The following NRG1 variants were observed in gnomAD, a reference collection of about 807,000 sequenced individuals.
NRG1 encodes the protein pro-neuregulin-1, membrane-bound isoform.
NRG1 carries 18 observed loss-of-function variants against 63.8 expected under a neutral mutation model. That is an observed-to-expected ratio of 0.28 (90% confidence interval 0.19 to 0.42). The LOEUF is 0.42. NRG1 is among the 10% of genes least tolerant of loss of function. The probability of loss-of-function intolerance (pLI) is 1.00; values close to 1 mark genes in which losing one functional copy is unlikely to be tolerated. For synonymous variants in NRG1, 302 were observed against 301.3 expected (o/e 1.00, Z -0.02); for missense variants, 762 against 814.7 (o/e 0.94, Z 0.79).
intron 1 of NRG1, among the ~76,000 whole-genome samples, chr8:31,911,587 G>A (rs574466299): frequency 5.4e-4 from 83 of 152,308 alleles, no homozygotes; most frequent in African/African-American, 1.8e-3. Context: ...CTTACCAGAT[G>A]GAGGAGGGAG....
At chr8:32,084,007 C>T (rs1015855343) in intron 1 of NRG1, among the ~76,000 whole-genome samples, 14 of 152,108 alleles carry the variant, frequency 9.2e-5, no homozygotes, top group Admixed American at 7.9e-4. Context: ...ATTACCTTTT[C>T]TTACATCCCT....
intron 1 of NRG1, among the ~76,000 whole-genome samples, chr8:32,227,913 G>A (rs1381874216): frequency 6.6e-6 from 1 of 152,178 alleles, no homozygotes; most frequent in African/African-American, 2.4e-5. Context: ...TACGAGGTTT[G>A]TATCAATTAG....
chr8:32,140,557 G>A (rs1337041142), intron 1 of NRG1, among the ~76,000 whole-genome samples: 1 of 151,770 alleles, frequency 6.6e-6, no homozygotes, highest in Non-Finnish European at 1.5e-5. Flanking sequence ...CAAGCTCCTG[G>A]GTCAAGTGAT....
At chr8:32,051,294 C>G (rs1821939277) in intron 1 of NRG1, among the ~76,000 whole-genome samples, 1 of 152,122 alleles carries the variant, frequency 6.6e-6, no homozygotes, top group Admixed American at 6.5e-5. Context: ...AGTGCATGCA[C>G]TTGGAATCCA....
At chr8:32,620,532 A>G (rs1563784450) in intron 5 of NRG1, among the ~76,000 whole-genome samples, 1 of 151,866 alleles carries the variant, frequency 6.6e-6, no homozygotes, top group Non-Finnish European at 1.5e-5. Context: ...AAAAAAAAAA[A>G]AAAAAAAAGA....
At chr8:31,998,942 A>C (rs1812471919) in intron 1 of NRG1, among the ~76,000 whole-genome samples, 1 of 152,100 alleles carries the variant, frequency 6.6e-6, no homozygotes, top group Non-Finnish European at 1.5e-5. Context: ...GCAGATGAGA[A>C]TTTCAGATTC....
chr8:31,914,081 T>A (rs1357491089), intron 1 of NRG1, among the ~76,000 whole-genome samples: 5 of 152,160 alleles, frequency 3.3e-5, no homozygotes, highest in Non-Finnish European at 5.9e-5. Flanking sequence ...CAAGACCTCT[T>A]GCCCCCTGGA....
intron 1 of NRG1, among the ~76,000 whole-genome samples, chr8:31,761,465 A>G (rs1171834391): frequency 2.0e-5 from 3 of 152,154 alleles, no homozygotes; most frequent in Non-Finnish European, 4.4e-5. Flanking sequence ...TAAAAAATAA[A>G]TAAATAAAAA....
At chr8:32,355,420 G>T (rs540155777) in intron 1 of NRG1, among the ~76,000 whole-genome samples, 1 of 152,114 alleles carries the variant, frequency 6.6e-6, no homozygotes, top group East Asian at 1.9e-4. Context: ...GATTGCATCA[G>T]TGCACTCCAG....
intron 1 of NRG1, among the ~76,000 whole-genome samples, chr8:32,079,323 A>T (rs1481634938): frequency 2.0e-5 from 3 of 152,172 alleles, no homozygotes; most frequent in African/African-American, 7.2e-5. Flanking sequence ...TTTTCTTTAC[A>T]GGTGGGAATG....
intron 1 of NRG1, among the ~76,000 whole-genome samples, chr8:31,718,873 A>G (rs1812624800): frequency 6.6e-6 from 1 of 152,202 alleles, no homozygotes; most frequent in Non-Finnish European, 1.5e-5. Flanking sequence ...CTTGTCCTAA[A>G]CTTACAATAG....
chr8:31,983,762 T>C (rs1307225104), intron 1 of NRG1, among the ~76,000 whole-genome samples: 1 of 151,964 alleles, frequency 6.6e-6, no homozygotes, highest in Admixed American at 6.6e-5. Context: ...AGGTGCTAGG[T>C]TGAGGATCTT....
intron 1 of NRG1, among the ~76,000 whole-genome samples, chr8:32,377,243 C>T (rs10216782): frequency 0.17 from 25,305 of 152,154 alleles, 2,464 homozygotes; most frequent in African/African-American, 0.24. Context: ...TTCATGTGTT[C>T]CTTTGTTTCC....
chr8:31,996,349 A>G (rs1156274148), intron 1 of NRG1, among the ~76,000 whole-genome samples: 1 of 151,998 alleles, frequency 6.6e-6, no homozygotes, highest in African/African-American at 2.4e-5. Flanking sequence ...ATACACATGA[A>G]TGACTGAAAG....
intron 1 of NRG1, among the ~76,000 whole-genome samples, chr8:31,894,553 C>CTT (rs397892970): frequency 1.1e-5 from 1 of 91,964 alleles, no homozygotes; most frequent in African/African-American, 3.1e-5. Context: ...TTTCTTTTTT[C>CTT]TTTTTTTTTT....
chr8:31,880,667 G>A lies in NRG1; in HGVS notation c.37+241236G>A, dbSNP rs138001321. 3.6e-3 allele frequency among the ~76,000 whole-genome samples: 553 copies of A among 152,176 alleles called. 8 individuals are homozygous for A. Among genetic ancestry groups the A allele is most frequent in the Admixed American group, 0.015 (224 of 15,268 alleles). ...TTTAACGTCATCCACACAAAGTTAGGCAAAAGTCATATATAACAAATATTT... is the reference window on the plus strand; with the variant it reads ...TTTAACGTCATCCACACAAAGTTAGACAAAAGTCATATATAACAAATATTT... On this transcript the variant is annotated intron_variant, in intron 1 of 10. Transcript: ENST00000519301.
At chr8:32,259,396 A>G (rs752252178) in intron 1 of NRG1, among the ~76,000 whole-genome samples, 3 of 152,136 alleles carry the variant, frequency 2.0e-5, no homozygotes, top group Non-Finnish European at 2.9e-5. Flanking sequence ...TGATAAAAGC[A>G]TAAATTTCAC....
chr8:31,639,469 C>T (rs558363756), intron 1 of NRG1: 8 of 1,531,846 alleles, frequency 5.2e-6, no homozygotes, highest in South Asian at 3.6e-5. Flanking sequence ...CTGTCGCCGC[C>T]GCGGCCACCC....
At chr8:31,957,633 T>C (rs552053386) in intron 1 of NRG1, among the ~76,000 whole-genome samples, 1 of 152,320 alleles carries the variant, frequency 6.6e-6, no homozygotes, top group African/African-American at 2.4e-5. Context: ...ATATTTTGAA[T>C]TTTTTAGTGG....
Sources: allele counts gnomAD v4.1 joint callset (sites outside exome capture counted in the v4.1 genomes callset), GRCh38; gene constraint gnomAD v4.1.1; transcripts MANE v1.5; gene names NCBI Gene and HGNC (gene_info 2026-07-23, HGNC 2026-07-21).